The following HMGB1 variants were observed in gnomAD, a reference collection of about 807,000 sequenced individuals.
The protein encoded by HMGB1 is high mobility group protein B1.
For synonymous variants in HMGB1, 81 were observed against 84.0 expected, an observed-to-expected ratio of 0.96 and a Z score of 0.19; for missense variants, 79 against 253.5, an observed-to-expected ratio of 0.31 and a Z score of 4.67.
At chr13:30,569,224 G>T (rs1043739552) in intron 1 of HMGB1, among the ~76,000 whole-genome samples, 1 of 152,158 alleles carries the variant, frequency 6.6e-6, no homozygotes, top group Non-Finnish European at 1.5e-5. Flanking sequence ...CTGTAGTTCT[G>T]CATTAAGCAA....
At chr13:30,466,380 G>A (rs1218637006), upstream of HMGB1, among the ~76,000 whole-genome samples, 1 of 152,074 alleles carries the variant, frequency 6.6e-6, no homozygotes, top group Non-Finnish European at 1.5e-5. Flanking sequence ...CAAAAGTGAG[G>A]GCGACACTAT....
chr13:30,604,215 G>C, intron 1 of HMGB1, among the ~76,000 whole-genome samples: 1 of 152,140 alleles, frequency 6.6e-6, no homozygotes, highest in Non-Finnish European at 1.5e-5. Context: ...TTACAGATTT[G>C]ACGCTAATGA....
intron 1 of HMGB1, among the ~76,000 whole-genome samples, chr13:30,591,979 A>G (rs762658772): frequency 4.6e-5 from 7 of 152,172 alleles, no homozygotes; most frequent in Non-Finnish European, 8.8e-5. Context: ...TACTATAGTT[A>G]AATGCATTTC....
At position 30,530,052 on chromosome 13, in the gene HMGB1, A is replaced by G. The variant is rs115267811; in HGVS notation, c.-14-66358T>C. 7.3e-3 allele frequency among the ~76,000 whole-genome samples: 1,112 copies of G among 152,362 alleles called. 13 individuals are homozygous for G. Among genetic ancestry groups the G allele is most frequent in the African/African-American group, 0.021 (891 of 41,578 alleles). On this transcript the variant is annotated intron_variant, in intron 1 of 4. Transcript: ENST00000405805. Reference sequence around the variant, plus strand: ...CACCCATTATTTCACATACTGAATTACCAAAGATTTAAAAATAATAACAAA... The same window carrying G: ...CACCCATTATTTCACATACTGAATTGCCAAAGATTTAAAAATAATAACAAA...
chr13:30,511,132 T>C (rs1239106182), intron 1 of HMGB1, among the ~76,000 whole-genome samples: 1 of 152,190 alleles, frequency 6.6e-6, no homozygotes, highest in East Asian at 1.9e-4. Flanking sequence ...TAAAGATACC[T>C]GAAATGCTGC....
At chr13:30,542,345 G>A (rs1313328116) in intron 1 of HMGB1, 2 of 164,688 alleles carry the variant, frequency 1.2e-5, no homozygotes, top group Non-Finnish European at 2.7e-5. Flanking sequence ...ACTCAGATCT[G>A]CTCTGAGCTC....
At chr13:30,467,712 C>T (rs1389045867), upstream of HMGB1, among the ~76,000 whole-genome samples, 5 of 152,158 alleles carry the variant, frequency 3.3e-5, no homozygotes. Flanking sequence ...CTCAATGTCT[C>T]ATATTACAAA....
chr13:30,493,543 C>G (rs1049500628), intron 1 of HMGB1, among the ~76,000 whole-genome samples: 1 of 152,148 alleles, frequency 6.6e-6, no homozygotes, highest in Admixed American at 6.5e-5. Context: ...GCCTGTAATC[C>G]TAGCACTTTG....
intron 1 of HMGB1, among the ~76,000 whole-genome samples, chr13:30,495,620 A>C (rs1887593546): frequency 6.6e-6 from 1 of 151,964 alleles, no homozygotes; most frequent in Non-Finnish European, 1.5e-5. Flanking sequence ...TTGGGACTAC[A>C]GGCGCGTGCC....
chr13:30,577,604 C>T (rs1870715444), intron 1 of HMGB1, among the ~76,000 whole-genome samples: 1 of 152,236 alleles, frequency 6.6e-6, no homozygotes, highest in Non-Finnish European at 1.5e-5. Context: ...AGCAGTATCA[C>T]TGTGGGTTAG....
intron 1 of HMGB1, among the ~76,000 whole-genome samples, chr13:30,489,923 C>T (rs947613159): frequency 5.4e-5 from 8 of 148,768 alleles, no homozygotes; most frequent in African/African-American, 9.9e-5. Flanking sequence ...TTAGTAGAGA[C>T]GGGGTTTCAC....
chr13:30,464,521 G>T, intron 1 of HMGB1: 1 of 984,706 alleles, frequency 1.0e-6, no homozygotes, highest in Non-Finnish European at 1.2e-6. Context: ...GAGGAGAGAG[G>T]ACGCGGCCCG....
intron 1 of HMGB1, among the ~76,000 whole-genome samples, chr13:30,615,801 G>C (rs191504997): frequency 1.8e-3 from 268 of 152,056 alleles, no homozygotes; most frequent in African/African-American, 6.2e-3. Context: ...TAAAATGAGA[G>C]AAAAAAAGAG....
intron 1 of HMGB1, among the ~76,000 whole-genome samples, chr13:30,517,788 G>C (rs554674944): frequency 2.0e-5 from 3 of 152,080 alleles, no homozygotes; most frequent in Non-Finnish European, 4.4e-5. Context: ...TTCTCTCCAC[G>C]GGTATTTCAG....
intron 1 of HMGB1, among the ~76,000 whole-genome samples, chr13:30,578,362 CTTGTTCTTT>C (rs1870750258): frequency 1.0e-5 from 1 of 97,650 alleles, no homozygotes; most frequent in Non-Finnish European, 2.1e-5. Flanking sequence ...GAGACCAGTT[CTTGTTCTTT>C]TTTTTTTTTT....
At chr13:30,490,586 T>C (rs546082252) in intron 1 of HMGB1, among the ~76,000 whole-genome samples, 1 of 146,478 alleles carries the variant, frequency 6.8e-6, no homozygotes, top group South Asian at 2.1e-4. Flanking sequence ...GCCACTGCAC[T>C]CCAGCCTGGG....
exon 1 of HMGB1, chr13:30,617,511 C>A (rs1009332418): frequency 1.3e-5 from 2 of 152,310 alleles, no homozygotes; most frequent in African/African-American, 4.8e-5. Flanking sequence ...ACCCCAGGAA[C>A]CAGCGGCTCC....
chr13:30,579,726 T>G (rs1870820033), intron 1 of HMGB1, among the ~76,000 whole-genome samples: 1 of 152,192 alleles, frequency 6.6e-6, no homozygotes, highest in South Asian at 2.1e-4. Context: ...ACTTAGTATT[T>G]ATTCAATAAA....
chr13:30,490,048 A>G (rs1887451017), intron 1 of HMGB1, among the ~76,000 whole-genome samples: 1 of 150,442 alleles, frequency 6.6e-6, no homozygotes, highest in Non-Finnish European at 1.5e-5. Flanking sequence ...AAAAAAAAAA[A>G]GCTGGAGAGT....
Sources: allele counts gnomAD v4.1 joint callset (sites outside exome capture counted in the v4.1 genomes callset), GRCh38; gene constraint gnomAD v4.1.1; transcripts MANE v1.5; gene names NCBI Gene and HGNC (gene_info 2026-07-23, HGNC 2026-07-21).